The following HLCS variants were observed in gnomAD, a reference collection of about 807,000 sequenced individuals.
The protein encoded by HLCS is biotin--protein ligase.
A neutral mutation model predicts 75.0 loss-of-function variants in HLCS; 53 were observed. That is an observed-to-expected ratio of 0.71 (90% CI 0.57 to 0.89). HLCS has a LOEUF of 0.89. Ranked by LOEUF, HLCS falls within the 40% of genes least tolerant of loss-of-function variation. HLCS has a pLI of 0.00. For missense variants in HLCS, 966 were observed against 1,074.0 expected (o/e 0.90, Z 1.41); for synonymous variants, 431 against 428.6 (o/e 1.01, Z -0.07).
intron 6 of HLCS, among the ~76,000 whole-genome samples, chr21:36,861,843 A>C (rs1285647570): frequency 6.6e-6 from 1 of 152,230 alleles, no homozygotes; most frequent in African/African-American, 2.4e-5. Flanking sequence ...ATACTTTCAC[A>C]AAGTTGTATA....
intron 6 of HLCS, among the ~76,000 whole-genome samples, chr21:36,803,562 A>G (rs2061272612): frequency 6.6e-6 from 1 of 152,204 alleles, no homozygotes; most frequent in African/African-American, 2.4e-5. Flanking sequence ...TCCCTTACAG[A>G]GCTCAGAGCC....
At chr21:36,942,323 T>C (rs7282361) in intron 2 of HLCS, among the ~76,000 whole-genome samples, 86,576 of 148,586 alleles carry the variant, frequency 0.58, 25,347 homozygotes, top group East Asian at 0.68. Context: ...CAATCCCACC[T>C]GAGAGGTGGA....
chr21:36,826,600 C>A (rs1214126168), intron 6 of HLCS, among the ~76,000 whole-genome samples: 1 of 152,214 alleles, frequency 6.6e-6, no homozygotes, highest in African/African-American at 2.4e-5. Flanking sequence ...CACCACATAT[C>A]CCCCTCATCT....
intron 5 of HLCS, among the ~76,000 whole-genome samples, chr21:36,910,641 G>C (rs906852728): frequency 2.6e-5 from 4 of 152,164 alleles, no homozygotes; most frequent in Middle Eastern, 3.4e-3. Flanking sequence ...CTTGGGGTGG[G>C]CGTTTATTCA....
intron 4 of HLCS, among the ~76,000 whole-genome samples, chr21:36,932,666 T>G (rs2066698666): frequency 6.6e-6 from 1 of 152,248 alleles, no homozygotes; most frequent in Non-Finnish European, 1.5e-5. Context: ...TGAGCTCGTC[T>G]GCCTTATTTT....
At chr21:36,938,056 A>G (rs2066975052) in intron 3 of HLCS, among the ~76,000 whole-genome samples, 1 of 152,240 alleles carries the variant, frequency 6.6e-6, no homozygotes, top group Admixed American at 6.5e-5. Flanking sequence ...AGACATAAAA[A>G]GCCTGCTTTT....
At chr21:36,879,136 G>C (rs1372545704) in intron 6 of HLCS, among the ~76,000 whole-genome samples, 2 of 774 alleles carry the variant, frequency 2.6e-3, no homozygotes, top group African/African-American at 9.8e-3. Flanking sequence ...AAAATAATTG[G>C]AATATAACAT....
At chr21:36,770,141 CT>C (rs902358188) in intron 6 of HLCS, among the ~76,000 whole-genome samples, 9,943 of 103,458 alleles carry the variant, frequency 0.096, 272 homozygotes, top group African/African-American at 0.29. Flanking sequence ...ACTATAGATG[CT>C]TTTTTTTTTT....
intron 8 of HLCS, among the ~76,000 whole-genome samples, chr21:36,761,744 C>T (rs1327958164): frequency 6.6e-6 from 1 of 152,210 alleles, no homozygotes; most frequent in Non-Finnish European, 1.5e-5. Flanking sequence ...GGAGGCTCTG[C>T]TCTTCATCAC....
At chr21:36,888,439 AAAAAAAAT>A (rs2064575976) in intron 6 of HLCS, among the ~76,000 whole-genome samples, 1 of 32,210 alleles carries the variant, frequency 3.1e-5, no homozygotes, top group African/African-American at 1.1e-4. Context: ...ATTTAAAAAA[AAAAAAAAT>A]ATATATATAT....
chr21:36,886,029 ATACT>A (rs572333827), intron 6 of HLCS, among the ~76,000 whole-genome samples: 14 of 152,168 alleles, frequency 9.2e-5, no homozygotes, highest in Non-Finnish European at 1.9e-4. Flanking sequence ...ATTTCTGCAA[ATACT>A]TTCTACCCCA....
intron 6 of HLCS, among the ~76,000 whole-genome samples, chr21:36,788,783 C>T (rs1478653242): frequency 2.0e-5 from 3 of 152,208 alleles, no homozygotes; most frequent in South Asian, 4.1e-4. Flanking sequence ...ATGACTCTCA[C>T]GTCCTAGACA....
upstream of HLCS, among the ~76,000 whole-genome samples, chr21:36,967,792 T>A (rs1173775127): frequency 6.6e-6 from 1 of 152,050 alleles, no homozygotes. Flanking sequence ...CAATCTCGGC[T>A]CACTGCAAGC....
chr21:36,856,660 A>G (rs1300651231), intron 6 of HLCS, among the ~76,000 whole-genome samples: 1 of 152,146 alleles, frequency 6.6e-6, no homozygotes, highest in Non-Finnish European at 1.5e-5. Flanking sequence ...CAGTCCCCCC[A>G]GCAACAAAAA....
chr21:36,841,242 A>G (rs2062604849), intron 6 of HLCS, among the ~76,000 whole-genome samples: 1 of 152,218 alleles, frequency 6.6e-6, no homozygotes, highest in African/African-American at 2.4e-5. Context: ...ATGTTAACCA[A>G]GGATATTCTT....
At chr21:36,860,928 A>G (rs1569112785) in intron 6 of HLCS, among the ~76,000 whole-genome samples, 1 of 152,222 alleles carries the variant, frequency 6.6e-6, no homozygotes. Flanking sequence ...ACCTGGGTTT[A>G]TTTTTACAGA....
At chr21:36,846,404 C>A (rs912763678) in intron 6 of HLCS, among the ~76,000 whole-genome samples, 3 of 152,146 alleles carry the variant, frequency 2.0e-5, no homozygotes, top group African/African-American at 7.2e-5. Flanking sequence ...GGGACCTCCA[C>A]CAAGACATTT....
At chr21:36,969,487 A>G (rs940872071), upstream of HLCS, 4 of 152,184 alleles carry the variant, frequency 2.6e-5, no homozygotes, top group African/African-American at 9.7e-5. Context: ...AAGCACTGCT[A>G]ACATCTTCCT....
chr21:36,956,225 G>T (rs2067935717), intron 2 of HLCS, among the ~76,000 whole-genome samples: 1 of 152,178 alleles, frequency 6.6e-6, no homozygotes, highest in Admixed American at 6.5e-5. Flanking sequence ...TCATGAGGAA[G>T]GAGCAGGAGC....
Sources: allele counts gnomAD v4.1 joint callset (sites outside exome capture counted in the v4.1 genomes callset), GRCh38; gene constraint gnomAD v4.1.1; transcripts MANE v1.5; gene names NCBI Gene and HGNC (gene_info 2026-07-23, HGNC 2026-07-21).